The following ASH1L variants were observed in gnomAD, a reference collection of about 807,000 sequenced individuals.
The protein encoded by ASH1L is ASH1 like histone lysine methyltransferase.
Under a neutral mutation model 269.0 loss-of-function variants are expected in ASH1L, and 23 were observed. The observed-to-expected ratio is 0.09, with a 90% CI of 0.06 to 0.12. ASH1L has a LOEUF of 0.12. Ranked by LOEUF, ASH1L falls within the 10% of genes least tolerant of loss-of-function variation. The pLI is 1.00. For synonymous variants in ASH1L, 1,187 were observed against 1,253.5 expected, an observed-to-expected ratio of 0.95 and a Z score of 1.12; for missense variants, 2,912 against 3,567.8, an observed-to-expected ratio of 0.82 and a Z score of 4.68.
At chr1:155,534,298 T>G (rs1049178038) in intron 1 of ASH1L, among the ~76,000 whole-genome samples, 1 of 149,884 alleles carries the variant, frequency 6.7e-6, no homozygotes, top group African/African-American at 2.5e-5. Flanking sequence ...GGAAGATTAT[T>G]CCAAAGACAG....
chr1:155,496,613 C>T (rs1239906266), intron 2 of ASH1L, among the ~76,000 whole-genome samples: 5 of 152,030 alleles, frequency 3.3e-5, no homozygotes, highest in Admixed American at 6.6e-5. Flanking sequence ...CACGTATACA[C>T]GAGTCTACTA....
intron 1 of ASH1L, among the ~76,000 whole-genome samples, chr1:155,522,692 T>A (rs1668972369): frequency 6.6e-6 from 1 of 151,564 alleles, no homozygotes; most frequent in Admixed American, 6.6e-5. Context: ...GTGAATTTTT[T>A]TTTTTTTTTT....
intron 2 of ASH1L, among the ~76,000 whole-genome samples, chr1:155,493,414 A>C (rs931741427): frequency 5.3e-5 from 8 of 152,234 alleles, no homozygotes; most frequent in Non-Finnish European, 1.2e-4. Context: ...TAAATCCTAA[A>C]CATGTGCTGT....
chr1:155,357,511 T>C (rs113990709), intron 14 of ASH1L, 74 bp downstream of exon 14: 15 of 1,600,020 alleles, frequency 9.4e-6, no homozygotes, highest in African/African-American at 6.7e-5. Context: ...CCTCTGGTAA[T>C]TCCCTTATTC....
At position 155,562,652 on chromosome 1, in the gene ASH1L, C is replaced by T. The variant is rs1465676719; in HGVS notation, c.-599G>A. On this transcript the variant is annotated 5_prime_UTR_variant, in exon 1 of 28. Transcript: ENST00000392403. Reference sequence around the variant, plus strand: ...CTCGTCGCTGGCTGCTCCCACCAACCACCACCTTCGGCCGCCCCGCGCGCC... The same window carrying T: ...CTCGTCGCTGGCTGCTCCCACCAACTACCACCTTCGGCCGCCCCGCGCGCC... 6.6e-7 allele frequency: 1 copy of T among 1,525,336 alleles called. No homozygotes were observed. Among genetic ancestry groups the T allele is most frequent in the Admixed American group, 2.0e-5 (1 of 50,584 alleles). The allele number at this position is 1,525,336 out of a possible 1,614,324, so 94.5% of individuals were successfully genotyped here.
intron 2 of ASH1L, among the ~76,000 whole-genome samples, chr1:155,515,135 T>C (rs1668410086): frequency 6.6e-6 from 1 of 152,116 alleles, no homozygotes; most frequent in Non-Finnish European, 1.5e-5. Context: ...AGCAAATTGA[T>C]GAGATGTACC....
At chr1:155,368,269 T>C (rs1655617427) in intron 12 of ASH1L, among the ~76,000 whole-genome samples, 1 of 152,082 alleles carries the variant, frequency 6.6e-6, no homozygotes, top group South Asian at 2.1e-4. Context: ...AGTGCTGGGA[T>C]TGCAGGTGTG....
chr1:155,562,353 A>T lies in ASH1L; in HGVS notation c.-300T>A, dbSNP rs1672053971. On this transcript the variant is annotated 5_prime_UTR_variant, in exon 1 of 28. Coordinates refer to ENST00000392403, the MANE Select transcript of ASH1L (RefSeq NM_018489.3). The stretch of plus-strand genomic sequence containing the variant: ...GTGGAAGGCTAAAGGGGGCAAACTG[A>T]GGGGAGGCGGGTCCCGCAACCGAGA... 3 of 1,536,174 alleles carry T rather than the reference A, an allele frequency of 2.0e-6. 1 individual carries two copies. In the South Asian group the frequency reaches 3.5e-5, roughly 18 times the overall value.
intron 1 of ASH1L, among the ~76,000 whole-genome samples, chr1:155,550,253 C>T (rs997203765): frequency 2.6e-5 from 4 of 152,082 alleles, no homozygotes; most frequent in Non-Finnish European, 4.4e-5. Flanking sequence ...CTCCTGACCT[C>T]GTGATCCACC....
intron 2 of ASH1L, among the ~76,000 whole-genome samples, chr1:155,498,917 TAAA>T (rs56675557): frequency 7.5e-5 from 6 of 80,184 alleles, no homozygotes; most frequent in Non-Finnish European, 5.6e-5. Flanking sequence ...AGAACAGGAG[TAAA>T]AAAAAAAAAA....
chr1:155,555,766 A>G (rs187334402), intron 1 of ASH1L, among the ~76,000 whole-genome samples: 282 of 152,316 alleles, frequency 1.9e-3, no homozygotes, highest in African/African-American at 6.6e-3. Flanking sequence ...GATAAGTAAT[A>G]TGGATTAGAA....
intron 7 of ASH1L, among the ~76,000 whole-genome samples, chr1:155,389,736 T>C (rs1301109557): frequency 2.0e-5 from 3 of 152,286 alleles, no homozygotes; most frequent in Admixed American, 2.0e-4. Flanking sequence ...TCAATAGATA[T>C]GTTTTCAAAT....
intron 12 of ASH1L, among the ~76,000 whole-genome samples, chr1:155,361,095 C>T (rs976161234): frequency 2.0e-5 from 3 of 151,866 alleles, no homozygotes; most frequent in African/African-American, 4.8e-5. Context: ...AAAAATTAGC[C>T]AGGCGAGGCC....
chr1:155,534,757 G>GAA (rs1466727565), intron 1 of ASH1L, among the ~76,000 whole-genome samples: 2 of 152,130 alleles, frequency 1.3e-5, no homozygotes, highest in Non-Finnish European at 2.9e-5. Context: ...ACATACAAAT[G>GAA]AAAAAGTTAA....
intron 2 of ASH1L, among the ~76,000 whole-genome samples, chr1:155,504,494 C>G (rs973889035): frequency 1.3e-5 from 2 of 152,118 alleles, no homozygotes; most frequent in Non-Finnish European, 2.9e-5. Flanking sequence ...TCATGAAGAC[C>G]AGGGTAGTTC....
chr1:155,479,189 A>G lies in ASH1L; in HGVS notation c.3681T>C (p.Phe1227=), dbSNP rs1460105096. 1 of 1,614,168 alleles carries G rather than the reference A, an allele frequency of 6.2e-7. No individual in the cohort carries two copies. Among genetic ancestry groups the G allele is most frequent in the South Asian group, 1.1e-5 (1 of 91,074 alleles). ...CAGGGGGAATCAGAGAAACATGCTC[A>G]AAAGAATGCCTCCTCTTTTTTTGCC... ...FCGQKKRRHS[F]EHVSLIPPET... is the part of the protein sequence containing the mutation. Residue 1227 remains phenylalanine, a synonymous_variant, in exon 3 of 28, where the codon TTT becomes TTC. Coordinates refer to ENST00000392403, the MANE Select transcript of ASH1L (RefSeq NM_018489.3).
chr1:155,521,447 CAGA>C lies in ASH1L; in HGVS notation c.70_72del (p.Ser24del), dbSNP rs1668883619. The stretch of plus-strand genomic sequence containing the variant: ...CTGACCAATGTGCCAGTACTGATGG[CAGA>C]AGGACTCTTTCTTGAAAAACCTTCG... On this transcript the variant is annotated inframe_deletion, in exon 2 of 28. Transcript: ENST00000392403. 5.6e-6 allele frequency: 9 copies of C among 1,613,900 alleles called. No homozygotes were observed. The highest frequency in any genetic ancestry group is 2.2e-5 in the East Asian group (1 of 44,894).
intron 5 of ASH1L, among the ~76,000 whole-genome samples, chr1:155,421,728 A>T (rs1660700584): frequency 6.6e-6 from 1 of 152,110 alleles, no homozygotes; most frequent in South Asian, 2.1e-4. Context: ...CTTACTGTAA[A>T]TGTATTGTAA....
Position 155,481,495 on chromosome 1 carries a change from T to C in ASH1L, c.1375A>G (p.Ser459Gly), listed in dbSNP as rs1344321884. The C allele has an allele frequency of 6.2e-7, 1 of 1,614,182 alleles. No individual in the cohort carries two copies. Among genetic ancestry groups the C allele is most frequent in the Non-Finnish European group, 8.5e-7 (1 of 1,180,016 alleles). Residue 459 changes from serine to glycine, a missense_variant, in exon 3 of 28, where the codon AGT becomes GGT. This residue lies in a region of ASH1L where 715 missense variants were observed against 721.0 expected (regional missense o/e 0.99). Transcript: ENST00000392403. ...TTTTCAAAAGTTTTGCTGGTGGCAC[T>C]ATCTTTCAGGGATTCAGAAAGTTCC... is the stretch of plus-strand genomic sequence containing the variant. ...SQELSESLKDSATSKTFEKNV... is the reference protein window; with the variant it reads ...SQELSESLKDGATSKTFEKNV...
Sources: allele counts gnomAD v4.1 joint callset (sites outside exome capture counted in the v4.1 genomes callset), GRCh38; gene constraint gnomAD v4.1.1; regional missense constraint gnomAD v4.1.1; transcripts MANE v1.5; gene names NCBI Gene and HGNC (gene_info 2026-07-23, HGNC 2026-07-21).